RETREG1: variants seen among roughly 807,000 people sequenced by gnomAD.
RETREG1 encodes the protein reticulophagy regulator 1.
Under a neutral mutation model 54.8 loss-of-function variants are expected in RETREG1, and 44 were observed. That is an observed-to-expected ratio of 0.80 (90% confidence interval 0.63 to 1.03). The LOEUF is 1.03. Among genes scored for constraint, RETREG1 ranks in the 50% least tolerant of loss-of-function variants. The pLI, the probability that RETREG1 is intolerant of heterozygous loss-of-function variation, is 0.00. For synonymous variants in RETREG1, 217 were observed against 238.5 expected (o/e 0.91, Z 0.83); for missense variants, 554 against 605.1 (o/e 0.92, Z 0.89).
intron 2 of RETREG1, among the ~76,000 whole-genome samples, chr5:16,568,703 A>G (rs1230982187): frequency 1.3e-5 from 2 of 152,142 alleles, no homozygotes; most frequent in African/African-American, 4.8e-5. Context: ...GAACAGGGGA[A>G]AGGGGGACTT....
intron 8 of RETREG1, among the ~76,000 whole-genome samples, chr5:16,476,811 C>G (rs1374401250): frequency 1.3e-5 from 2 of 152,082 alleles, no homozygotes; most frequent in Non-Finnish European, 2.9e-5. Flanking sequence ...CGATGCTGGG[C>G]TTAATACCTA....
At chr5:16,524,916 G>GGCTCCTGCAGGTGGATGTGCGCA (rs1561104266) in intron 3 of RETREG1, among the ~76,000 whole-genome samples, 4 of 123,114 alleles carry the variant, frequency 3.2e-5, no homozygotes, top group Non-Finnish European at 5.2e-5. Context: ...GGATGTGCGC[G>GGCTCCTGCAGGTGGATGTGCGCA]GGGGACACTG....
intron 3 of RETREG1, among the ~76,000 whole-genome samples, chr5:16,555,298 T>A (rs1030438790): frequency 1.3e-5 from 2 of 152,098 alleles, no homozygotes; most frequent in African/African-American, 2.4e-5. Flanking sequence ...ACTACAGGCG[T>A]GAACCAACAC....
chr5:16,579,197 T>G (rs1013121354), intron 1 of RETREG1, among the ~76,000 whole-genome samples: 10 of 152,160 alleles, frequency 6.6e-5, no homozygotes, highest in African/African-American at 2.4e-4. Context: ...CACAGGACTG[T>G]TCTAAGAGCT....
chr5:16,570,417 C>T (rs748389012), intron 2 of RETREG1, among the ~76,000 whole-genome samples: 4 of 152,198 alleles, frequency 2.6e-5, no homozygotes, highest in African/African-American at 7.2e-5. Flanking sequence ...TTTGGCCTTC[C>T]ACACATGTCT....
intron 3 of RETREG1, among the ~76,000 whole-genome samples, chr5:16,520,169 G>A (rs1740485352): frequency 6.6e-6 from 1 of 152,184 alleles, no homozygotes; most frequent in South Asian, 2.1e-4. Flanking sequence ...AAGTCATGAT[G>A]GGGAGGGGGT....
At chr5:16,583,906 G>C (rs1742558574) in intron 1 of RETREG1, among the ~76,000 whole-genome samples, 1 of 152,136 alleles carries the variant, frequency 6.6e-6, no homozygotes, top group Admixed American at 6.5e-5. Flanking sequence ...TCTTAAAATG[G>C]AGATCCAAAA....
At chr5:16,505,318 C>G (rs1394487169) in intron 3 of RETREG1, among the ~76,000 whole-genome samples, 1 of 152,146 alleles carries the variant, frequency 6.6e-6, no homozygotes, top group Admixed American at 6.6e-5. Flanking sequence ...AATCCCCTCC[C>G]CCAGCCTGCA....
intron 3 of RETREG1, among the ~76,000 whole-genome samples, chr5:16,510,467 T>C (rs1383571881): frequency 6.6e-6 from 1 of 152,078 alleles, no homozygotes; most frequent in Non-Finnish European, 1.5e-5. Context: ...GCTGAAAATA[T>C]TATCAATGAT....
At chr5:16,587,712 T>C (rs1052899064) in intron 1 of RETREG1, among the ~76,000 whole-genome samples, 1 of 152,206 alleles carries the variant, frequency 6.6e-6, no homozygotes, top group Non-Finnish European at 1.5e-5. Context: ...CTGTAGAAGA[T>C]GATTTTGCTT....
Position 16,598,219 on chromosome 5 carries a change from G to A in RETREG1, c.320+18433C>T, listed in dbSNP as rs544758521. Among the ~76,000 whole-genome samples the A allele has an allele frequency of 1.1e-4, 16 of 152,252 alleles. No individual in the cohort carries two copies. The South Asian group carries it at 2.9e-3, about 28-fold the overall frequency. ...TGGCCAACGCCTACTGACTCTCTAC[G>A]TCCAGCTAAAATGTCACTTCTTCTA... On this transcript the variant is annotated intron_variant, in intron 1 of 8. Transcript: ENST00000306320.
At chr5:16,575,700 G>T (rs969523067) in intron 1 of RETREG1, among the ~76,000 whole-genome samples, 1 of 152,192 alleles carries the variant, frequency 6.6e-6, no homozygotes, top group African/African-American at 2.4e-5. Context: ...GGTCTTGTTG[G>T]TCATCGAGAA....
rs540100886 is a variant in RETREG1, at chr5:16,485,463, G to A, written c.459-1991C>T. Among the ~76,000 whole-genome samples, 28 of 152,170 alleles carry A rather than the reference G, an allele frequency of 1.8e-4. 1 individual carries two copies. The Middle Eastern group carries it at 0.017, about 92-fold the overall frequency. Reference sequence around the variant, plus strand: ...GGATTACAGGCATGAACCACTGCGCGAGGACAAAAAAATATTTTTTTGAAT... The same window carrying A: ...GGATTACAGGCATGAACCACTGCGCAAGGACAAAAAAATATTTTTTTGAAT... On this transcript the variant is annotated intron_variant, in intron 3 of 8. Transcript: ENST00000306320.
intron 3 of RETREG1, among the ~76,000 whole-genome samples, chr5:16,562,223 G>A (rs575562262): frequency 6.6e-6 from 1 of 152,332 alleles, no homozygotes; most frequent in East Asian, 1.9e-4. Context: ...GCTGAGGCAG[G>A]AGAATGGCTT....
chr5:16,491,488 T>C (rs552089225), intron 3 of RETREG1, among the ~76,000 whole-genome samples: 6 of 152,156 alleles, frequency 3.9e-5, no homozygotes, highest in Non-Finnish European at 4.4e-5. Flanking sequence ...GAAGAAAATA[T>C]CAAAAATAAT....
chr5:16,558,309 C>T (rs191740434), intron 3 of RETREG1, among the ~76,000 whole-genome samples: 41 of 152,226 alleles, frequency 2.7e-4, no homozygotes, highest in Non-Finnish European at 4.9e-4. Flanking sequence ...CCCTTTCTTG[C>T]TCTCTCGGGT....
intron 3 of RETREG1, among the ~76,000 whole-genome samples, chr5:16,489,419 A>AG (rs1285587831): frequency 1.3e-5 from 2 of 152,192 alleles, no homozygotes; most frequent in African/African-American, 4.8e-5. Flanking sequence ...ATTCTCCATT[A>AG]GGGGGTTCTG....
rs774408135 is a variant in RETREG1, at chr5:16,484,531, AG to A, written c.459-1060del. On this transcript the variant is annotated intron_variant, in intron 3 of 8. Coordinates refer to ENST00000306320, the MANE Select transcript of RETREG1 (RefSeq NM_001034850.3). ...ATCATCTGAGCTGTGGTAGGGTACC[AG>A]GGTGAGGCTGATCTCTGGATTCAAT... 5.9e-5 allele frequency among the ~76,000 whole-genome samples: 9 copies of A among 152,314 alleles called. No individual in the cohort carries two copies. In the South Asian group the frequency reaches 1.9e-3, roughly 32 times the overall value.
intron 1 of RETREG1, among the ~76,000 whole-genome samples, chr5:16,586,435 A>G (rs1742628712): frequency 6.6e-6 from 1 of 152,112 alleles, no homozygotes; most frequent in Non-Finnish European, 1.5e-5. Context: ...CCTTCCTAAA[A>G]CTGCCTCATC....
Sources: allele counts gnomAD v4.1 joint callset (sites outside exome capture counted in the v4.1 genomes callset), GRCh38; gene constraint gnomAD v4.1.1; transcripts MANE v1.5; gene names NCBI Gene and HGNC (gene_info 2026-07-23, HGNC 2026-07-21).